Variants in ELF2 observed in about 807,000 individuals in gnomAD.
ELF2 encodes the protein ETS-related transcription factor Elf-2.
In ELF2, 11 loss-of-function variants were observed where a neutral mutation model predicts 54.8. The observed-to-expected ratio is 0.20, with a 90% CI of 0.13 to 0.33. The LOEUF is 0.33. Among genes scored for constraint, ELF2 ranks in the 10% least tolerant of loss-of-function variants. ELF2 has a pLI of 1.00. For synonymous variants in ELF2, 203 were observed against 245.1 expected, an observed-to-expected ratio of 0.83 and a Z score of 1.61; for missense variants, 513 against 703.0, an observed-to-expected ratio of 0.73 and a Z score of 3.06.
intron 6 of ELF2, 65 bp downstream of exon 6, chr4:139,071,801 G>C: frequency 4.2e-6 from 6 of 1,444,692 alleles, no homozygotes; most frequent in Non-Finnish European, 5.6e-6. Context: ...TATGTCCCTT[G>C]ATGAGGAAAA....
At position 139,145,412 on chromosome 4, in the gene ELF2, C is replaced by T. The variant is rs528048917; in HGVS notation, c.-251-5915G>A. On this transcript the variant is annotated intron_variant, in intron 1 of 9. Transcript: ENST00000686138. ...CCAGAATCAGCCTGGAATGTGGTAA[C>T]CCCACTGGGCAGCTAGACCCAGAGG... Among the ~76,000 whole-genome samples, 14 of 152,246 alleles carry T rather than the reference C, an allele frequency of 9.2e-5. No homozygotes were observed. In the South Asian group the frequency reaches 2.7e-3, roughly 29 times the overall value.
At chr4:139,133,651 T>TA (rs954343166) in intron 3 of ELF2, among the ~76,000 whole-genome samples, 1 of 147,856 alleles carries the variant, frequency 6.8e-6, no homozygotes, top group Non-Finnish European at 1.5e-5. Context: ...TTTTTTTTTT[T>TA]AAGATACGGG....
At chr4:139,108,619 T>C (rs1028489536) in intron 4 of ELF2, among the ~76,000 whole-genome samples, 2 of 151,776 alleles carry the variant, frequency 1.3e-5, no homozygotes, top group African/African-American at 2.4e-5. Flanking sequence ...AAAAAAAAAT[T>C]CTGTGCTTTC....
intron 4 of ELF2, among the ~76,000 whole-genome samples, chr4:139,075,202 AG>A (rs1448607438): frequency 6.6e-6 from 1 of 152,238 alleles, no homozygotes; most frequent in Non-Finnish European, 1.5e-5. Flanking sequence ...TGTGTACAGC[AG>A]TCAGTGGTTT....
At chr4:139,156,276 C>T (rs1381918186) in intron 1 of ELF2, among the ~76,000 whole-genome samples, 2 of 151,760 alleles carry the variant, frequency 1.3e-5, no homozygotes, top group African/African-American at 2.4e-5. Flanking sequence ...CCCGGGTTCA[C>T]GCCATTCTCC....
chr4:139,132,738 G>A (rs768960853), intron 3 of ELF2, among the ~76,000 whole-genome samples: 1 of 149,632 alleles, frequency 6.7e-6, no homozygotes, highest in South Asian at 2.1e-4. Flanking sequence ...CTTCCTTTCC[G>A]TTCCATTACA....
At chr4:139,138,933 A>G (rs1023139415) in intron 2 of ELF2, among the ~76,000 whole-genome samples, 1 of 152,118 alleles carries the variant, frequency 6.6e-6, no homozygotes, top group Admixed American at 6.5e-5. Flanking sequence ...CCCTTCCTAT[A>G]TGATCTGAAT....
intron 1 of ELF2, among the ~76,000 whole-genome samples, chr4:139,166,869 A>G (rs558176393): frequency 4.2e-4 from 64 of 152,366 alleles, no homozygotes; most frequent in Middle Eastern, 6.8e-3. Flanking sequence ...CTCCGTCTCA[A>G]AAAAATAAAA....
At chr4:139,075,073 C>G (rs1327336649) in intron 4 of ELF2, among the ~76,000 whole-genome samples, 1 of 152,178 alleles carries the variant, frequency 6.6e-6, no homozygotes, top group Admixed American at 6.5e-5. Flanking sequence ...GGGTTTTAAC[C>G]TAAGACTTTT....
chr4:139,062,413 C>T (rs1305208200), intron 7 of ELF2, among the ~76,000 whole-genome samples: 2 of 152,146 alleles, frequency 1.3e-5, no homozygotes, highest in African/African-American at 2.4e-5. Context: ...TCAGGTGATC[C>T]GCCTGCCTCA....
intron 1 of ELF2, among the ~76,000 whole-genome samples, chr4:139,171,037 C>T (rs1355408711): frequency 6.6e-6 from 1 of 151,988 alleles, no homozygotes; most frequent in Non-Finnish European, 1.5e-5. Flanking sequence ...TGAGCCACCG[C>T]ACCCAGCCCA....
At chr4:139,149,141 C>T (rs1432148499) in intron 1 of ELF2, among the ~76,000 whole-genome samples, 1 of 151,986 alleles carries the variant, frequency 6.6e-6, no homozygotes, top group Non-Finnish European at 1.5e-5. Context: ...AAATAAACGG[C>T]ATAGGAATTG....
chr4:139,132,018 C>T (rs925925077), intron 3 of ELF2, among the ~76,000 whole-genome samples: 32 of 152,056 alleles, frequency 2.1e-4, no homozygotes, highest in East Asian at 1.3e-3. Flanking sequence ...TTAGCATATA[C>T]ATTTAAAAGT....
intron 4 of ELF2, chr4:139,084,069 C>G: frequency 1.2e-6 from 2 of 1,609,886 alleles, no homozygotes; most frequent in South Asian, 2.2e-5. Flanking sequence ...GGAGTCACCC[C>G]GCCTTCTGTG....
intron 5 of ELF2, 143 bp from the exon 6 acceptor site, chr4:139,072,182 T>C (rs1729612419): frequency 1.4e-6 from 1 of 731,390 alleles, no homozygotes; most frequent in African/African-American, 1.8e-5. Context: ...GTTAATTTGC[T>C]GAATATTCGA....
At chr4:139,167,987 A>C (rs1427894550) in intron 1 of ELF2, among the ~76,000 whole-genome samples, 1 of 152,250 alleles carries the variant, frequency 6.6e-6, no homozygotes, top group Non-Finnish European at 1.5e-5. Flanking sequence ...GTAACTTGAC[A>C]GAACTTGACC....
At chr4:139,068,881 CTT>C (rs531534019) in intron 6 of ELF2, among the ~76,000 whole-genome samples, 2 of 145,742 alleles carry the variant, frequency 1.4e-5, no homozygotes, top group Admixed American at 6.9e-5. Flanking sequence ...AATACATACA[CTT>C]TTTTTTTTTT....
chr4:139,060,184 T>G, intron 9 of ELF2, 140 bp downstream of exon 9: 1 of 761,352 alleles, frequency 1.3e-6, no homozygotes, highest in Non-Finnish European at 2.0e-6. Context: ...AAAATATAAT[T>G]AAAACATCAA....
Position 139,060,391 on chromosome 4 carries a change from G to C in ELF2, c.1090C>G (p.Pro364Ala), listed in dbSNP as rs113115879. 1 of 1,614,082 alleles carries C rather than the reference G, an allele frequency of 6.2e-7. No individual in the cohort carries two copies. The highest frequency in any genetic ancestry group is 8.5e-7 in the Non-Finnish European group (1 of 1,180,024). The change falls in exon 9 of 10, where the codon CCT becomes GCT. Residue 364 changes from proline to alanine, a missense_variant. This residue lies in a region of ELF2 where 291 missense variants were observed against 366.1 expected (regional missense o/e 0.79). Transcript: ENST00000686138. ...GVARVVNITS[P>A]GHDASSRSPT... ...GACCTGGATGAAGCATCGTGCCCAG[G>C]GGAAGTGATATTCACAACTCTAGCT...
Sources: allele counts gnomAD v4.1 joint callset (sites outside exome capture counted in the v4.1 genomes callset), GRCh38; gene constraint gnomAD v4.1.1; regional missense constraint gnomAD v4.1.1; transcripts MANE v1.5; gene names NCBI Gene and HGNC (gene_info 2026-07-23, HGNC 2026-07-21).